FBXO34: variants seen among roughly 807,000 people sequenced by gnomAD.
FBXO34 encodes F-box only protein 34.
FBXO34 carries 12 observed loss-of-function variants against 24.5 expected under a neutral mutation model. That is an observed-to-expected ratio of 0.49 (90% CI 0.31 to 0.79). The LOEUF (loss-of-function observed/expected upper bound fraction) is 0.79. Ranked by LOEUF, FBXO34 falls within the 30% of genes least tolerant of loss-of-function variation. The pLI is 0.04. For missense variants in FBXO34, 823 were observed against 857.7 expected (o/e 0.96, Z 0.51); for synonymous variants, 320 against 311.9 (o/e 1.03, Z -0.27).
rs113101030 is a variant in FBXO34 at position 55,340,955 on chromosome 14, C to T, written c.-10-9426C>T. 1.2e-3 allele frequency among the ~76,000 whole-genome samples: 187 copies of T among 152,212 alleles called. 1 individual carries two copies. Among genetic ancestry groups the T allele is most frequent in the African/African-American group, 4.3e-3 (180 of 41,540 alleles). On this transcript the variant is annotated intron_variant, in intron 1 of 1. Transcript: ENST00000313833. ...GTACTGCAAGTGATGTCAGAAATTG[C>T]TATTGCCTTAAAAATATTTTTAAAA... is the stretch of plus-strand genomic sequence containing the variant.
chr14:55,383,314 G>A, the FBXO34 span, among the ~76,000 whole-genome samples: 1 of 152,180 alleles, frequency 6.6e-6, no homozygotes, highest in Admixed American at 6.5e-5. Context: ...ACTTTGGAAG[G>A]CTGAGGCAGG....
intron 1 of FBXO34, among the ~76,000 whole-genome samples, chr14:55,288,570 T>C (rs1881840060): frequency 6.6e-6 from 1 of 152,240 alleles, no homozygotes; most frequent in Non-Finnish European, 1.5e-5. Flanking sequence ...ATCCTCATTT[T>C]ATTTCAGTCT....
intron 1 of FBXO34, among the ~76,000 whole-genome samples, chr14:55,287,957 C>G (rs1881817985): frequency 6.6e-6 from 1 of 152,174 alleles, no homozygotes; most frequent in South Asian, 2.1e-4. Context: ...TGACTGTGAC[C>G]TGTCACATGA....
intron 1 of FBXO34, among the ~76,000 whole-genome samples, chr14:55,298,205 G>C (rs973391563): frequency 6.8e-6 from 1 of 146,246 alleles, no homozygotes; most frequent in African/African-American, 2.5e-5. Context: ...AACACTGTGA[G>C]TTTTTTTTTT....
chr14:55,296,382 G>GTGTTTTTTT (rs1882122432), intron 1 of FBXO34, among the ~76,000 whole-genome samples: 1 of 95,782 alleles, frequency 1.0e-5, no homozygotes, highest in Admixed American at 1.1e-4. Context: ...CTGTTCTTGT[G>GTGTTTTTTT]TTTTTTTTGT....
At chr14:55,438,220 G>A in the FBXO34 span, among the ~76,000 whole-genome samples, 1 of 152,286 alleles carries the variant, frequency 6.6e-6, no homozygotes, top group Admixed American at 6.5e-5. Flanking sequence ...TGCTACCTCC[G>A]CTAATGTACG....
chr14:55,286,501 T>C (rs1397113718), intron 1 of FBXO34, among the ~76,000 whole-genome samples: 3 of 152,224 alleles, frequency 2.0e-5, no homozygotes, highest in African/African-American at 7.2e-5. Context: ...ATATTAATAG[T>C]GTGCCTACTT....
downstream of FBXO34, among the ~76,000 whole-genome samples, chr14:55,363,872 G>A (rs998640741): frequency 1.4e-5 from 2 of 145,058 alleles, no homozygotes; most frequent in East Asian, 2.0e-4. Context: ...ATGCCTCTGC[G>A]TTTTTTTTTT....
chr14:55,322,183 G>A (rs967687973), intron 1 of FBXO34, among the ~76,000 whole-genome samples: 9 of 152,034 alleles, frequency 5.9e-5, no homozygotes, highest in African/African-American at 1.2e-4. Context: ...GGTGGCGGGC[G>A]CCTGTAGTCC....
chr14:55,369,630 C>T, downstream of FBXO34: 1 of 1,518,128 alleles, frequency 6.6e-7, no homozygotes, highest in Non-Finnish European at 8.8e-7. Flanking sequence ...TAACGGTGTC[C>T]AGTGTAAGCT....
chr14:55,406,654 T>C, the FBXO34 span, among the ~76,000 whole-genome samples: 2 of 152,186 alleles, frequency 1.3e-5, no homozygotes, highest in Admixed American at 1.3e-4. Flanking sequence ...ACAATGGTCC[T>C]GGGTCTCGAG....
chr14:55,409,348 A>G, the FBXO34 span, among the ~76,000 whole-genome samples: 1 of 152,228 alleles, frequency 6.6e-6, no homozygotes, highest in East Asian at 1.9e-4. Context: ...AGTTTCTACT[A>G]TGTGAGAATA....
At chr14:55,360,280 C>T (rs1884576193) in intron 3 of FBXO34, among the ~76,000 whole-genome samples, 1 of 152,052 alleles carries the variant, frequency 6.6e-6, no homozygotes, top group Non-Finnish European at 1.5e-5. Context: ...ACCATGTTGG[C>T]CAGGCTGGTC....
the FBXO34 span, among the ~76,000 whole-genome samples, chr14:55,435,274 T>C: frequency 7.0e-6 from 1 of 143,156 alleles, no homozygotes; most frequent in Non-Finnish European, 1.5e-5. Flanking sequence ...AATAGTCAGG[T>C]GAAATTTTTT....
intron 1 of FBXO34, among the ~76,000 whole-genome samples, chr14:55,293,293 T>G (rs573271346): frequency 1.3e-5 from 2 of 152,178 alleles, no homozygotes; most frequent in South Asian, 4.1e-4. Flanking sequence ...TTCTTATGCC[T>G]CAGCCACTCG....
intron 1 of FBXO34, among the ~76,000 whole-genome samples, chr14:55,303,730 C>T: frequency 6.6e-6 from 1 of 151,334 alleles, no homozygotes; most frequent in Admixed American, 6.6e-5. Flanking sequence ...AAAATAGTAA[C>T]TTTTGTGAAA....
chr14:55,413,563 A>G, the FBXO34 span: 1 of 439,232 alleles, frequency 2.3e-6, no homozygotes, highest in Non-Finnish European at 4.6e-6. Flanking sequence ...CTATTATGCC[A>G]TGAACTCATA....
At position 55,350,385 on chromosome 14, in the gene FBXO34, T is replaced by A; in HGVS notation, c.-6T>A. Reference sequence around the variant, plus strand: ...ATGTGTATTTCTTTCCTATAGGGGCTTTGTTATGCACCTAAAGCCATATTG... The same window carrying A: ...ATGTGTATTTCTTTCCTATAGGGGCATTGTTATGCACCTAAAGCCATATTG... On this transcript the variant is annotated 5_prime_UTR_variant, in exon 2 of 2. Coordinates refer to ENST00000313833, the MANE Select transcript of FBXO34 (RefSeq NM_017943.4). 5 of 1,530,312 alleles carry A rather than the reference T, an allele frequency of 3.3e-6. No individual in the cohort carries two copies. The highest frequency in any genetic ancestry group is 4.4e-6 in the Non-Finnish European group (5 of 1,145,304). 94.8% of individuals were successfully genotyped at this position (1,530,312 alleles called of 1,614,324 possible). A position where few individuals can be genotyped will look rare whatever the true frequency, so the allele number is the denominator to read the frequency against.
the FBXO34 span, among the ~76,000 whole-genome samples, chr14:55,375,730 T>C: frequency 5.3e-5 from 8 of 152,122 alleles, no homozygotes; most frequent in African/African-American, 1.9e-4. Flanking sequence ...ACTTAGTTTC[T>C]TTCTTTCCAA....
Sources: allele counts gnomAD v4.1 joint callset (sites outside exome capture counted in the v4.1 genomes callset), GRCh38; gene constraint gnomAD v4.1.1; transcripts MANE v1.5; gene names NCBI Gene and HGNC (gene_info 2026-07-23, HGNC 2026-07-21).